The following SPATS2 variants were observed in gnomAD, a reference collection of about 807,000 sequenced individuals.
SPATS2 encodes spermatogenesis-associated serine-rich protein 2.
SPATS2 carries 38 observed loss-of-function variants against 63.7 expected under a neutral mutation model. The observed-to-expected ratio is 0.60, with a 90% CI of 0.46 to 0.78. The LOEUF is 0.78. SPATS2 is among the 30% of genes least tolerant of loss of function. The pLI is 0.00. For synonymous variants in SPATS2, 207 were observed against 232.9 expected (o/e 0.89, Z 1.01); for missense variants, 588 against 666.2 (o/e 0.88, Z 1.29).
intron 3 of SPATS2, among the ~76,000 whole-genome samples, chr12:49,480,585 G>T (rs1946189826): frequency 6.6e-6 from 1 of 152,076 alleles, no homozygotes; most frequent in Admixed American, 6.6e-5. Context: ...AGCAGTACAT[G>T]GATGTACAAA....
chr12:49,392,549 C>CA lies in SPATS2; in HGVS notation c.-244+21265dup, dbSNP rs1944436056. Reference sequence around the variant, plus strand: ...CCAACATGGCGAAACCCTGTCTTTACAAAAAATACAAAAATTGGTCAGGCG... The same window carrying CA: ...CCAACATGGCGAAACCCTGTCTTTACAAAAAAATACAAAAATTGGTCAGGCG... On this transcript the variant is annotated intron_variant, in intron 2 of 13. Coordinates refer to ENST00000552918, the MANE Select transcript of SPATS2 (RefSeq NM_023071.4). Among the ~76,000 whole-genome samples the CA allele has an allele frequency of 2.0e-5, 3 of 151,714 alleles. No homozygotes were observed. In the South Asian group the frequency reaches 6.2e-4, roughly 32 times the overall value.
At chr12:49,518,979 G>T (rs1038512521) in intron 10 of SPATS2, 94 bp from the exon 11 acceptor site, 8 of 932,582 alleles carry the variant, frequency 8.6e-6, no homozygotes, top group African/African-American at 1.7e-5. Context: ...TAAGCCTTTG[G>T]CTGACCAAAT....
chr12:49,367,220 C>T (rs1410703970), upstream of SPATS2: 2 of 223,508 alleles, frequency 8.9e-6, no homozygotes, highest in Non-Finnish European at 1.7e-5. Context: ...CTGCCACAGC[C>T]TCGAGCTTGG....
chr12:49,493,025 G>A (rs1462778266), intron 6 of SPATS2, among the ~76,000 whole-genome samples: 1 of 151,726 alleles, frequency 6.6e-6, no homozygotes, highest in Non-Finnish European at 1.5e-5. Context: ...TTGAACCTGG[G>A]AGGTGGAGGT....
intron 4 of SPATS2, among the ~76,000 whole-genome samples, chr12:49,487,673 C>G (rs1279012868): frequency 1.3e-5 from 2 of 152,174 alleles, no homozygotes; most frequent in African/African-American, 4.8e-5. Flanking sequence ...TCTCAGCTCA[C>G]TGCAGCCTCA....
At chr12:49,513,387 TTTTC>T (rs1946785279) in intron 9 of SPATS2, among the ~76,000 whole-genome samples, 1 of 152,214 alleles carries the variant, frequency 6.6e-6, no homozygotes, top group South Asian at 2.1e-4. Flanking sequence ...CTAGATTTTT[TTTTC>T]TTTTTGCCAC....
rs186416569 is a variant in SPATS2, at chr12:49,495,106, A to G, written c.526+104A>G. 1.2e-3 allele frequency: 1,445 copies of G among 1,232,212 alleles called. 3 individuals carry two copies. Among genetic ancestry groups the G allele is most frequent in the Non-Finnish European group, 1.5e-3 (1,376 of 926,616 alleles). The allele number at this position is 1,232,212 out of a possible 1,614,324, so 76.3% of individuals were successfully genotyped here. Reference sequence around the variant, plus strand: ...AAATCTAGTTAGTCTTTTTTTATCCAGTGCTTGCTGATTAGTCTTTTTACT... The same window carrying G: ...AAATCTAGTTAGTCTTTTTTTATCCGGTGCTTGCTGATTAGTCTTTTTACT... On this transcript the variant is annotated intron_variant, in intron 7 of 13. Transcript: ENST00000552918.
intron 9 of SPATS2, among the ~76,000 whole-genome samples, chr12:49,505,055 C>T (rs373745553): frequency 1.3e-5 from 2 of 151,254 alleles, no homozygotes; most frequent in African/African-American, 2.4e-5. Context: ...TGAGCCACCT[C>T]GCCCAGCTCA....
intron 2 of SPATS2, among the ~76,000 whole-genome samples, chr12:49,440,718 C>T (rs902129381): frequency 2.2e-4 from 33 of 152,156 alleles, no homozygotes; most frequent in African/African-American, 7.0e-4. Flanking sequence ...TTGCCTGCCT[C>T]GGCCTCCCAG....
chr12:49,482,299 G>T (rs1359677528), intron 3 of SPATS2, among the ~76,000 whole-genome samples: 3 of 152,206 alleles, frequency 2.0e-5, no homozygotes, highest in Non-Finnish European at 2.9e-5. Flanking sequence ...GCATTGGCAG[G>T]AGATTCCGAG....
intron 2 of SPATS2, among the ~76,000 whole-genome samples, chr12:49,421,955 A>G (rs1944991804): frequency 6.6e-6 from 1 of 152,210 alleles, no homozygotes; most frequent in African/African-American, 2.4e-5. Context: ...TCTGCCCTAT[A>G]TTAGTCCTTA....
chr12:49,505,222 G>A (rs1424158957), intron 9 of SPATS2, among the ~76,000 whole-genome samples: 2 of 152,144 alleles, frequency 1.3e-5, no homozygotes, highest in East Asian at 3.8e-4. Context: ...AAAATGTGTA[G>A]AAATAAAGGA....
chr12:49,526,264 C>G lies in SPATS2; in HGVS notation c.*9C>G. ...AAGCCGTGAACTCTTGAGAGAAAAT[C>G]CAGTTGGCCTCTCTCCTCTATCCAC... On this transcript the variant is annotated 3_prime_UTR_variant, in exon 14 of 14. Coordinates refer to ENST00000552918, the MANE Select transcript of SPATS2 (RefSeq NM_023071.4). 6.3e-7 allele frequency: 1 copy of G among 1,595,042 alleles called. No homozygotes were observed. The highest frequency in any genetic ancestry group is 2.2e-5 in the East Asian group (1 of 44,648).
chr12:49,445,860 C>T (rs1161434333), intron 2 of SPATS2, among the ~76,000 whole-genome samples: 1 of 151,858 alleles, frequency 6.6e-6, no homozygotes, highest in African/African-American at 2.4e-5. Flanking sequence ...TGTATTTCTC[C>T]TATATTTATG....
chr12:49,481,811 A>G (rs1033299764), intron 3 of SPATS2, among the ~76,000 whole-genome samples: 3 of 151,422 alleles, frequency 2.0e-5, no homozygotes, highest in Admixed American at 6.6e-5. Context: ...TTTTTTTTTT[A>G]CCTGAACACC....
Position 49,513,490 on chromosome 12 carries a change from T to C in SPATS2, c.840-1065T>C, listed in dbSNP as rs1039008521. Reference sequence around the variant, plus strand: ...TACTGTCTCCTTATACATTGAAGGCTGTGGGCTCTTTTATAACAACATGGA... The same window carrying C: ...TACTGTCTCCTTATACATTGAAGGCCGTGGGCTCTTTTATAACAACATGGA... On this transcript the variant is annotated intron_variant, in intron 9 of 13. Transcript: ENST00000552918. Among the ~76,000 whole-genome samples, 17 of 152,338 alleles carry C rather than the reference T, an allele frequency of 1.1e-4. No homozygotes were observed. The South Asian group carries it at 2.1e-3, about 19-fold the overall frequency.
intron 2 of SPATS2, among the ~76,000 whole-genome samples, chr12:49,430,551 T>A (rs1055403286): frequency 6.6e-6 from 1 of 152,114 alleles, no homozygotes; most frequent in Admixed American, 6.6e-5. Context: ...TTTTCTTGTT[T>A]TCCATCATTA....
intron 2 of SPATS2, among the ~76,000 whole-genome samples, chr12:49,403,644 C>CACACAA (rs1188584280): frequency 1.4e-5 from 2 of 144,238 alleles, no homozygotes; most frequent in African/African-American, 5.2e-5. Context: ...CACACACAAA[C>CACACAA]AAAACTGGAA....
chr12:49,386,038 A>AT (rs541859029), intron 2 of SPATS2, among the ~76,000 whole-genome samples: 5,033 of 144,694 alleles, frequency 0.035, 109 homozygotes, highest in Middle Eastern at 0.082. Flanking sequence ...TGATTTTCGT[A>AT]TTTTTTTTTT....
Sources: gnomAD v4.1 joint callset for allele counts (sites outside exome capture counted in the v4.1 genomes callset) on GRCh38, gnomAD v4.1.1 for gene constraint, MANE v1.5 for transcripts, NCBI Gene and HGNC (gene_info 2026-07-23, HGNC 2026-07-21) for gene names.